KPNA7: variants seen among roughly 807,000 people sequenced by gnomAD.
The protein encoded by KPNA7 is importin subunit alpha-8.
KPNA7 carries 54 observed loss-of-function variants against 53.7 expected under a neutral mutation model. The observed-to-expected ratio is 1.01, with a 90% CI of 0.81 to 1.26. The LOEUF (loss-of-function observed/expected upper bound fraction) is 1.26, where lower values mean the gene tolerates loss of function less well. Ranked by LOEUF, KPNA7 falls within the 50% of genes most tolerant of loss-of-function variation. KPNA7 has a pLI of 0.00. For missense variants in KPNA7, 640 were observed against 644.5 expected (o/e 0.99, Z 0.07); for synonymous variants, 276 against 259.3 (o/e 1.06, Z -0.62).
the KPNA7 span, among the ~76,000 whole-genome samples, chr7:99,156,621 T>C: frequency 6.6e-6 from 1 of 152,018 alleles, no homozygotes; most frequent in African/African-American, 2.4e-5. Context: ...GCCTCCCAGG[T>C]TCAAGTGATT....
chr7:99,188,173 T>TC (rs1286938378), intron 7 of KPNA7, 127 bp downstream of exon 7: 10 of 476,426 alleles, frequency 2.1e-5, no homozygotes, highest in South Asian at 4.6e-5. Context: ...AGACTCTGTC[T>TC]CAAAAAAAAA....
the KPNA7 span, among the ~76,000 whole-genome samples, chr7:99,145,920 A>G: frequency 4.5e-3 from 680 of 152,322 alleles, 6 homozygotes; most frequent in African/African-American, 0.016. Flanking sequence ...CGGCTCTTTC[A>G]GTTATCCTCA....
intron 9 of KPNA7, among the ~76,000 whole-genome samples, chr7:99,180,395 A>T (rs1799114893): frequency 6.6e-6 from 1 of 152,150 alleles, no homozygotes; most frequent in African/African-American, 2.4e-5. Flanking sequence ...CCAGTGATTC[A>T]GGTGGCTGAG....
chr7:99,176,842 T>C (rs10234508), intron 10 of KPNA7, among the ~76,000 whole-genome samples: 3,504 of 152,120 alleles, frequency 0.023, 138 homozygotes, highest in African/African-American at 0.081. Flanking sequence ...ATTGCGGCCA[T>C]TGCCTTCCAG....
At chr7:99,201,126 C>T (rs757632593) in intron 3 of KPNA7, among the ~76,000 whole-genome samples, 4 of 152,116 alleles carry the variant, frequency 2.6e-5, no homozygotes, top group Non-Finnish European at 5.9e-5. Flanking sequence ...GATTGCATTT[C>T]TAGGGAATGT....
At chr7:99,202,698 C>T (rs1030857940) in intron 3 of KPNA7, among the ~76,000 whole-genome samples, 9 of 151,862 alleles carry the variant, frequency 5.9e-5, no homozygotes, top group Non-Finnish European at 1.2e-4. Flanking sequence ...ATAAAAAATT[C>T]ACCAGGCATG....
chr7:99,150,352 G>T, the KPNA7 span, among the ~76,000 whole-genome samples: 1 of 151,636 alleles, frequency 6.6e-6, no homozygotes, highest in African/African-American at 2.4e-5. Flanking sequence ...CACCTGGGCC[G>T]CCCCCTAAAG....
Position 99,180,693 on chromosome 7 carries a change from GTC to G in KPNA7, c.1317+1188_1317+1189del, listed in dbSNP as rs1414928411. On this transcript the variant is annotated intron_variant, in intron 9 of 10. Coordinates refer to ENST00000327442, the MANE Select transcript of KPNA7 (RefSeq NM_001145715.3). ...TGTGTGTGTCTCTCTCCCCGTCTGT[GTC>G]TCTGTCTGTGTCTCTCTCTCTCTCC... Among the ~76,000 whole-genome samples the G allele has an allele frequency of 3.7e-3, 229 of 62,022 alleles. 21 individuals are homozygous for G. Among genetic ancestry groups the G allele is most frequent in the African/African-American group, 9.7e-3 (218 of 22,404 alleles). 40.7% of individuals were successfully genotyped at this position (62,022 alleles called of 152,430 possible).
intron 3 of KPNA7, among the ~76,000 whole-genome samples, chr7:99,199,607 G>A (rs1182164704): frequency 6.6e-6 from 1 of 152,134 alleles, no homozygotes; most frequent in African/African-American, 2.4e-5. Flanking sequence ...CGGCTCAAAG[G>A]CCTAAAAGTA....
At chr7:99,208,198 T>G (rs1012126779), upstream of KPNA7, among the ~76,000 whole-genome samples, 1 of 152,098 alleles carries the variant, frequency 6.6e-6, no homozygotes, top group Admixed American at 6.6e-5. Context: ...CACCTCAGCC[T>G]CTTGAGTAGC....
At chr7:99,198,972 C>A (rs1308714383) in intron 3 of KPNA7, among the ~76,000 whole-genome samples, 2 of 115,526 alleles carry the variant, frequency 1.7e-5, no homozygotes, top group African/African-American at 6.4e-5. Context: ...GATCAAAAAT[C>A]AAAATAAAGC....
At chr7:99,191,019 T>TTC (rs1158655371) in intron 6 of KPNA7, among the ~76,000 whole-genome samples, 1 of 152,120 alleles carries the variant, frequency 6.6e-6, no homozygotes, top group Non-Finnish European at 1.5e-5. Context: ...TCCTGCACTT[T>TTC]TCCCCTTTCT....
At chr7:99,147,257 T>C in the KPNA7 span, among the ~76,000 whole-genome samples, 2 of 152,184 alleles carry the variant, frequency 1.3e-5, no homozygotes, top group Non-Finnish European at 2.9e-5. Flanking sequence ...AGAACATAGA[T>C]GACAGAACAA....
chr7:99,182,012 T>G lies in KPNA7; in HGVS notation c.1188A>C (p.Thr396=). 1 of 1,549,252 alleles carries G rather than the reference T, an allele frequency of 6.5e-7. No homozygotes were observed. The highest frequency in any genetic ancestry group is 8.7e-7 in the Non-Finnish European group (1 of 1,145,064). The change falls in exon 9 of 11, where the codon ACA becomes ACC. Residue 396 remains threonine, a synonymous_variant. Coordinates refer to ENST00000327442, the MANE Select transcript of KPNA7 (RefSeq NM_001145715.3). ...EAVWMVANFA[T]GATMDQLIQL... is the part of the protein sequence containing the mutation. ...GGATCAGCTGATCCATGGTGGCCCC[T>G]GTTGCAAAGTTCGCCACCATCCAGA... is the stretch of plus-strand genomic sequence containing the variant.
chr7:99,210,852 T>C (rs991178656), upstream of KPNA7, among the ~76,000 whole-genome samples: 2 of 151,882 alleles, frequency 1.3e-5, no homozygotes, highest in Admixed American at 6.6e-5. Context: ...TCCCAAAGCA[T>C]TGGGATTAGA....
chr7:99,204,377 ATCTC>A (rs34956359), intron 2 of KPNA7, among the ~76,000 whole-genome samples: 3 of 150,744 alleles, frequency 2.0e-5, no homozygotes, highest in Non-Finnish European at 3.0e-5. Context: ...GCCTCTACAA[ATCTC>A]TCTCTCTCTC....
rs1357264122 is a variant in KPNA7, at chr7:99,193,067, T to C, written c.588A>G (p.Thr196=). The part of the protein sequence containing the change: ...DGPEFRDNVI[T]SNAIPHLLAL... ...CTAGGAGATGTGGGATGGCATTGCT[T>C]GTGATGACGTTATCTCTGAACTCTG... The change falls in exon 6 of 11, where the codon ACA becomes ACG. Residue 196 remains threonine (T), a synonymous_variant. Coordinates refer to ENST00000327442, the MANE Select transcript of KPNA7 (RefSeq NM_001145715.3). 3.3e-6 allele frequency: 5 copies of C among 1,510,984 alleles called. No individual in the cohort carries two copies. The highest frequency in any genetic ancestry group is 4.4e-6 in the Non-Finnish European group (5 of 1,131,606). The allele number at this position is 1,510,984 out of a possible 1,614,324, so 93.6% of individuals were successfully genotyped here.
intron 8 of KPNA7, among the ~76,000 whole-genome samples, chr7:99,184,492 GA>G (rs1789470997): frequency 1.3e-5 from 2 of 152,062 alleles, no homozygotes; most frequent in African/African-American, 2.4e-5. Context: ...GTTTAGATTT[GA>G]ATTTTGTTGA....
intron 3 of KPNA7, among the ~76,000 whole-genome samples, chr7:99,199,759 T>G (rs1790416580): frequency 6.6e-6 from 1 of 152,114 alleles, no homozygotes; most frequent in Non-Finnish European, 1.5e-5. Flanking sequence ...TTAAAAAATT[T>G]TATGCTTCCA....
Sources: allele counts gnomAD v4.1 joint callset (sites outside exome capture counted in the v4.1 genomes callset), GRCh38; gene constraint gnomAD v4.1.1; transcripts MANE v1.5; gene names NCBI Gene and HGNC (gene_info 2026-07-23, HGNC 2026-07-21).